The following GUCY1A2 variants were observed in gnomAD, a reference collection of about 807,000 sequenced individuals.
GUCY1A2 encodes guanylate cyclase soluble subunit alpha-2.
In GUCY1A2, 27 loss-of-function variants were observed where a neutral mutation model predicts 63.5. The observed-to-expected ratio is 0.43, with a 90% confidence interval of 0.31 to 0.59. GUCY1A2 has a LOEUF of 0.59. GUCY1A2 is among the 20% of genes least tolerant of loss of function. GUCY1A2 has a pLI of 0.11. For synonymous variants in GUCY1A2, 364 were observed against 343.5 expected, an observed-to-expected ratio of 1.06 and a Z score of -0.66; for missense variants, 768 against 913.3, an observed-to-expected ratio of 0.84 and a Z score of 2.05.
chr11:106,843,445 C>T (rs1428601563), intron 4 of GUCY1A2, among the ~76,000 whole-genome samples: 3 of 151,632 alleles, frequency 2.0e-5, no homozygotes, highest in Non-Finnish European at 4.4e-5. Context: ...ACATAGAGGG[C>T]TACTGAAAGG....
intron 1 of GUCY1A2, among the ~76,000 whole-genome samples, chr11:107,000,380 T>C (rs10502081): frequency 1.3e-5 from 2 of 152,068 alleles, no homozygotes; most frequent in African/African-American, 4.8e-5. Context: ...ATAGTCTGTA[T>C]CTAAGGTTTA....
chr11:106,832,726 A>C (rs1425922751), intron 4 of GUCY1A2, among the ~76,000 whole-genome samples: 1 of 152,168 alleles, frequency 6.6e-6, no homozygotes, highest in East Asian at 1.9e-4. Flanking sequence ...CTTTAAAATA[A>C]TAAATGAACC....
intron 1 of GUCY1A2, among the ~76,000 whole-genome samples, chr11:106,989,878 A>AG (rs1861449230): frequency 1.3e-5 from 2 of 152,200 alleles, no homozygotes; most frequent in Non-Finnish European, 2.9e-5. Flanking sequence ...CTGAAACATC[A>AG]TAGCTAAGGT....
At chr11:106,795,001 T>A (rs903356456) in intron 5 of GUCY1A2, among the ~76,000 whole-genome samples, 1 of 152,170 alleles carries the variant, frequency 6.6e-6, no homozygotes, top group Non-Finnish European at 1.5e-5. Context: ...ATTTTCCACA[T>A]ATATATCGTT....
At chr11:106,865,826 T>C (rs537645200) in intron 4 of GUCY1A2, among the ~76,000 whole-genome samples, 2 of 151,336 alleles carry the variant, frequency 1.3e-5, no homozygotes, top group African/African-American at 4.8e-5. Context: ...AGAAACATAA[T>C]CCCAGACTTG....
At chr11:106,713,403 A>C (rs1863155403) in intron 6 of GUCY1A2, among the ~76,000 whole-genome samples, 1 of 152,146 alleles carries the variant, frequency 6.6e-6, no homozygotes, top group Admixed American at 6.5e-5. Flanking sequence ...CTGAAAGCAA[A>C]ACATGCTGAG....
At chr11:106,802,514 A>T (rs1858623564) in intron 5 of GUCY1A2, among the ~76,000 whole-genome samples, 1 of 152,174 alleles carries the variant, frequency 6.6e-6, no homozygotes, top group Non-Finnish European at 1.5e-5. Flanking sequence ...TTGTATCATG[A>T]AGAAATTTCC....
intron 4 of GUCY1A2, among the ~76,000 whole-genome samples, chr11:106,884,921 G>A (rs890684395): frequency 1.1e-4 from 16 of 152,050 alleles, no homozygotes; most frequent in African/African-American, 3.6e-4. Context: ...TTTCAAAAGA[G>A]GTAGCTCAAT....
At chr11:106,966,931 G>A (rs971481323) in intron 3 of GUCY1A2, among the ~76,000 whole-genome samples, 14 of 151,946 alleles carry the variant, frequency 9.2e-5, no homozygotes, top group African/African-American at 2.2e-4. Context: ...AAATAGAAAG[G>A]TTATAGAAAC....
intron 6 of GUCY1A2, among the ~76,000 whole-genome samples, chr11:106,738,739 C>T (rs963546398): frequency 6.6e-6 from 1 of 152,116 alleles, no homozygotes; most frequent in Non-Finnish European, 1.5e-5. Context: ...CTTTTCTTTT[C>T]CACTGGTCTA....
In GUCY1A2 at chr11:106,680,016, A is replaced by T. The variant is rs953918212; in HGVS notation, c.*7533T>A. Reference sequence around the variant, plus strand: ...TGAGTGACCAGTAGTCAAATAAATCATGTGGCTTCCATTAAACCAGAGGTG... The same window carrying T: ...TGAGTGACCAGTAGTCAAATAAATCTTGTGGCTTCCATTAAACCAGAGGTG... On this transcript the variant is annotated 3_prime_UTR_variant, in exon 8 of 8. Coordinates refer to ENST00000526355, the MANE Select transcript of GUCY1A2 (RefSeq NM_000855.3). 4.6e-6 allele frequency: 1 copy of T among 215,786 alleles called. No individual in the cohort carries two copies. Among genetic ancestry groups the T allele is most frequent in the Non-Finnish European group, 9.3e-6 (1 of 107,194 alleles). The allele number at this position is 215,786 out of a possible 1,614,324, so 13.4% of individuals were successfully genotyped here. A position where few individuals can be genotyped will look rare whatever the true frequency, so the allele number is the denominator to read the frequency against.
At chr11:106,740,715 C>T (rs1439310098) in intron 6 of GUCY1A2, among the ~76,000 whole-genome samples, 2 of 146,166 alleles carry the variant, frequency 1.4e-5, no homozygotes, top group African/African-American at 2.5e-5. Flanking sequence ...AGCTCGTTAC[C>T]CAGGCTGGAG....
At chr11:106,956,300 C>A (rs1397092739) in intron 3 of GUCY1A2, among the ~76,000 whole-genome samples, 1 of 152,010 alleles carries the variant, frequency 6.6e-6, no homozygotes, top group African/African-American at 2.4e-5. Context: ...TCCATCTGAT[C>A]CTCCCTCCAG....
At chr11:106,968,773 T>A (rs201116365) in intron 3 of GUCY1A2, among the ~76,000 whole-genome samples, 1 of 1,624 alleles carries the variant, frequency 6.2e-4, no homozygotes, top group Non-Finnish European at 1.1e-3. Flanking sequence ...CCCAACCTGA[T>A]CCTATCTACA....
chr11:106,706,640 C>T (rs1862918010), intron 7 of GUCY1A2, among the ~76,000 whole-genome samples: 1 of 139,312 alleles, frequency 7.2e-6, no homozygotes. Flanking sequence ...CAGGTTGGGC[C>T]CATTCTTTTA....
chr11:106,872,782 GTTCTT>G (rs1006766193), intron 4 of GUCY1A2, among the ~76,000 whole-genome samples: 9 of 152,030 alleles, frequency 5.9e-5, no homozygotes, highest in Non-Finnish European at 1.0e-4. Context: ...CACAAAAGCT[GTTCTT>G]TTTTTTCTTT....
chr11:106,704,630 G>A (rs1490582785), intron 7 of GUCY1A2, among the ~76,000 whole-genome samples: 2 of 152,044 alleles, frequency 1.3e-5, no homozygotes, highest in Admixed American at 6.5e-5. Flanking sequence ...AATGAGAAAA[G>A]CAAAAATGTT....
At chr11:106,881,822 CTTA>C (rs1367932739) in intron 4 of GUCY1A2, among the ~76,000 whole-genome samples, 2 of 151,954 alleles carry the variant, frequency 1.3e-5, no homozygotes, top group African/African-American at 4.8e-5. Flanking sequence ...TGAACACACA[CTTA>C]GTTTTATAGG....
At chr11:107,015,372 T>C (rs1381591922) in intron 1 of GUCY1A2, among the ~76,000 whole-genome samples, 1 of 152,068 alleles carries the variant, frequency 6.6e-6, no homozygotes, top group Non-Finnish European at 1.5e-5. Flanking sequence ...AAAAAGCCAG[T>C]CATTCAAATT....
Sources: gnomAD v4.1 joint callset for allele counts (sites outside exome capture counted in the v4.1 genomes callset) on GRCh38, gnomAD v4.1.1 for gene constraint, MANE v1.5 for transcripts, NCBI Gene and HGNC (gene_info 2026-07-23, HGNC 2026-07-21) for gene names.